WNK1: variants seen among roughly 807,000 people sequenced by gnomAD.
WNK1 encodes serine/threonine-protein kinase WNK1.
WNK1 carries 38 observed loss-of-function variants against 222.8 expected under a neutral mutation model. That is an observed-to-expected ratio of 0.17 (90% confidence interval 0.13 to 0.22). The LOEUF (loss-of-function observed/expected upper bound fraction) is 0.22. Among genes scored for constraint, WNK1 ranks in the 10% least tolerant of loss-of-function variants. WNK1 has a pLI of 1.00. For missense variants in WNK1, 2,348 were observed against 2,918.4 expected (o/e 0.80, Z 4.50); for synonymous variants, 1,090 against 1,092.9 (o/e 1.00, Z 0.05).
At chr12:769,498 A>G (rs2369402) in intron 1 of WNK1, among the ~76,000 whole-genome samples, 118,038 of 152,222 alleles carry the variant, frequency 0.78, 45,935 homozygotes, top group East Asian at 0.87. Flanking sequence ...CACAATGCCT[A>G]GCCCCTTCTG....
chr12:764,740 G>A (rs1468931409), intron 1 of WNK1, among the ~76,000 whole-genome samples: 3 of 146,024 alleles, frequency 2.1e-5, no homozygotes, highest in Non-Finnish European at 3.1e-5. Context: ...TAAATTTAAG[G>A]TTGCCTCAGT....
At chr12:816,296 G>T (rs577227003) in intron 2 of WNK1, among the ~76,000 whole-genome samples, 4 of 152,060 alleles carry the variant, frequency 2.6e-5, no homozygotes, top group South Asian at 4.1e-4. Flanking sequence ...TGGAGACAGG[G>T]TCTCACTCGG....
At chr12:821,953 A>T (rs1206061313) in intron 2 of WNK1, among the ~76,000 whole-genome samples, 4 of 152,022 alleles carry the variant, frequency 2.6e-5, no homozygotes, top group Admixed American at 2.6e-4. Context: ...GACAGTATAT[A>T]GTTGGCTTTT....
At chr12:797,049 CTTTAT>C (rs142472125) in intron 1 of WNK1, among the ~76,000 whole-genome samples, 59 of 152,346 alleles carry the variant, frequency 3.9e-4, no homozygotes, top group African/African-American at 1.3e-3. Flanking sequence ...AATTCCCAGA[CTTTAT>C]TTTAAGTTAC....
chr12:891,833 G>C (rs1247238540), intron 22 of WNK1, among the ~76,000 whole-genome samples: 4 of 151,564 alleles, frequency 2.6e-5, no homozygotes, highest in African/African-American at 9.7e-5. Flanking sequence ...GGGAGGCTGA[G>C]ACGAGGATTG....
intron 10 of WNK1, 106 bp downstream of exon 10, chr12:878,467 T>C: frequency 7.5e-7 from 1 of 1,330,148 alleles, no homozygotes; most frequent in South Asian, 1.3e-5. Flanking sequence ...ACTTCTACCT[T>C]TTCTTCTAAG....
intron 1 of WNK1, among the ~76,000 whole-genome samples, chr12:770,076 C>T (rs1196144988): frequency 2.0e-5 from 3 of 151,794 alleles, no homozygotes; most frequent in East Asian, 1.9e-4. Flanking sequence ...CAGGTTCAAG[C>T]GATTCTCCTG....
At chr12:871,181 A>G in intron 8 of WNK1, 84 bp from the exon 9 acceptor site, 9 of 1,281,542 alleles carry the variant, frequency 7.0e-6, no homozygotes, top group Non-Finnish European at 1.0e-5. Context: ...CTCTGAGGAG[A>G]TTAAATATTC....
chr12:852,753 A>ATGTCT (rs1360013877), intron 4 of WNK1, among the ~76,000 whole-genome samples: 6 of 152,160 alleles, frequency 3.9e-5, no homozygotes, highest in African/African-American at 1.2e-4. Flanking sequence ...TTGAGTTCTC[A>ATGTCT]TGTCTTAAGA....
chr12:773,923 G>T (rs1020154616), intron 1 of WNK1, among the ~76,000 whole-genome samples: 2 of 152,060 alleles, frequency 1.3e-5, no homozygotes, highest in African/African-American at 2.4e-5. Context: ...GTGGGCGAGG[G>T]TCTTACTCCA....
intron 1 of WNK1, among the ~76,000 whole-genome samples, chr12:760,383 T>TA (rs1940846786): frequency 6.8e-6 from 1 of 147,954 alleles, no homozygotes; most frequent in African/African-American, 2.4e-5. Context: ...CCTTGAGTTC[T>TA]AGATTACCCA....
At chr12:764,557 A>G (rs1439771330) in intron 1 of WNK1, among the ~76,000 whole-genome samples, 1 of 136,434 alleles carries the variant, frequency 7.3e-6, no homozygotes. Flanking sequence ...AATCGCTTGA[A>G]CCGGGGAGGT....
At position 871,255 on chromosome 12, in the gene WNK1, T is replaced by C; in HGVS notation, c.2140-10T>C. The C allele has an allele frequency of 1.2e-6, 2 of 1,614,108 alleles. No homozygotes were observed. Among genetic ancestry groups the C allele is most frequent in the Non-Finnish European group, 1.7e-6 (2 of 1,179,926 alleles). ...TTCTCTAATTTGTTGTGTTCACTTC[T>C]TTCCTTCAGGCACAGGGGCAGAGCC... On this transcript the variant is annotated splice_polypyrimidine_tract_variant and intron_variant, in intron 8 of 27. Coordinates refer to ENST00000315939, the MANE Select transcript of WNK1 (RefSeq NM_018979.4).
rs1163329038 is a variant in WNK1 at position 879,923 on chromosome 12, T to G, written c.2724T>G (p.Ser908Arg). Reference sequence around the variant, plus strand: ...TGCAGCCTGTGACTCAGCTGCCAAGTCAGGTTCACCCACAGCTCCTACAAC... The same window carrying G: ...TGCAGCCTGTGACTCAGCTGCCAAGGCAGGTTCACCCACAGCTCCTACAAC... Reference protein sequence around the residue: ...TLLQPVTQLPSQVHPQLLQPA... With the variant: ...TLLQPVTQLPRQVHPQLLQPA... The change falls in exon 11 of 28, where the codon AGT (serine) becomes AGG (arginine). Residue 908 changes from serine (S) to arginine (R), a missense_variant. Around this residue, in one of 13 missense-constraint regions of WNK1, gnomAD observed 547 missense variants for 558.3 expected, o/e 0.98. Coordinates refer to ENST00000315939, the MANE Select transcript of WNK1 (RefSeq NM_018979.4). 1.2e-6 allele frequency: 2 copies of G among 1,614,074 alleles called. No homozygotes were observed. Among genetic ancestry groups the G allele is most frequent in the Non-Finnish European group, 1.7e-6 (2 of 1,179,966 alleles).
chr12:836,491 A>G (rs1294912164), intron 4 of WNK1, among the ~76,000 whole-genome samples: 1 of 152,228 alleles, frequency 6.6e-6, no homozygotes, highest in Admixed American at 6.5e-5. Context: ...GGTTTGACTT[A>G]GGCTTTCTGC....
intron 1 of WNK1, among the ~76,000 whole-genome samples, chr12:801,031 A>G (rs1025604458): frequency 6.6e-6 from 1 of 152,132 alleles, no homozygotes; most frequent in Admixed American, 6.5e-5. Context: ...CCCTCCAACT[A>G]TATTTTAGGC....
In WNK1 at chr12:827,017, G is replaced by C. The variant is rs768416737; in HGVS notation, c.933-25G>C. ...AACAAACTCCTATCATTGATAACTT[G>C]TTTGGTATACTTTGCTTTTTCTAGG... is the stretch of plus-strand genomic sequence containing the variant. On this transcript the variant is annotated intron_variant, in intron 2 of 27. Coordinates refer to ENST00000315939, the MANE Select transcript of WNK1 (RefSeq NM_018979.4). The surrounding 1 kb of genome is among the most constrained non-coding windows in gnomAD (Gnocchi z 4.6). The C allele has an allele frequency of 1.3e-6, 2 of 1,590,018 alleles. No homozygotes were observed. Among genetic ancestry groups the C allele is most frequent in the South Asian group, 2.2e-5 (2 of 90,474 alleles).
intron 4 of WNK1, among the ~76,000 whole-genome samples, chr12:838,609 TTTTGTCATG>T (rs1949385071): frequency 6.8e-6 from 1 of 147,198 alleles, no homozygotes; most frequent in Admixed American, 6.7e-5. Flanking sequence ...AGAGACGAGG[TTTTGTCATG>T]TTGCCCAGGC....
chr12:857,033 C>A (rs1950844807), intron 4 of WNK1, 128 bp from the exon 5 acceptor site: 4 of 900,868 alleles, frequency 4.4e-6, no homozygotes, highest in Middle Eastern at 2.7e-4. Context: ...TGGACCAACT[C>A]CTGCAGGCGA....
Sources: allele counts gnomAD v4.1 joint callset (sites outside exome capture counted in the v4.1 genomes callset), GRCh38; gene constraint gnomAD v4.1.1; regional missense constraint gnomAD v4.1.1; non-coding constraint Gnocchi (gnomAD v3.1); transcripts MANE v1.5; gene names NCBI Gene and HGNC (gene_info 2026-07-23, HGNC 2026-07-21).